The following SSX2IP variants were observed in gnomAD, a reference collection of about 807,000 sequenced individuals.
The protein encoded by SSX2IP is SSX family member 2 interacting protein.
Under a neutral mutation model 84.9 loss-of-function variants are expected in SSX2IP, and 55 were observed. The ratio of observed to expected loss-of-function variants is 0.65; its 90% confidence interval spans 0.52 to 0.81. The LOEUF (loss-of-function observed/expected upper bound fraction) is 0.81, where lower values mean the gene tolerates loss of function less well. Ranked by LOEUF, SSX2IP falls within the 30% of genes least tolerant of loss-of-function variation. SSX2IP has a pLI of 0.00. For synonymous variants in SSX2IP, 239 were observed against 234.7 expected (o/e 1.02, Z -0.17); for missense variants, 664 against 705.2 (o/e 0.94, Z 0.66).
intron 11 of SSX2IP, 132 bp from the exon 12 acceptor site, chr1:84,652,129 AC>A (rs1650344131): frequency 7.8e-6 from 5 of 642,314 alleles, no homozygotes; most frequent in South Asian, 2.1e-5. Flanking sequence ...AAATGAGTTA[AC>A]CTAAAAAACT....
At chr1:84,687,201 T>G (rs1462547788) in intron 1 of SSX2IP, among the ~76,000 whole-genome samples, 1 of 152,190 alleles carries the variant, frequency 6.6e-6, no homozygotes, top group African/African-American at 2.4e-5. Flanking sequence ...GCTAGTAGTG[T>G]GGTAGATCAA....
At chr1:84,669,636 C>T (rs752885847) in intron 4 of SSX2IP, 45 bp downstream of exon 4, 37 of 1,457,348 alleles carry the variant, frequency 2.5e-5, no homozygotes, top group Non-Finnish European at 3.4e-5. Flanking sequence ...TTATAGTACT[C>T]AATTATATAA....
intron 1 of SSX2IP, among the ~76,000 whole-genome samples, chr1:84,676,376 T>C (rs1654330950): frequency 6.6e-6 from 1 of 152,170 alleles, no homozygotes; most frequent in African/African-American, 2.4e-5. Flanking sequence ...TAATAGAAAA[T>C]CTTATAATAC....
intron 4 of SSX2IP, among the ~76,000 whole-genome samples, chr1:84,669,144 G>A (rs1044015717): frequency 4.1e-5 from 6 of 146,918 alleles, no homozygotes; most frequent in Non-Finnish European, 8.9e-5. Flanking sequence ...AAGTTAGTAG[G>A]TTCAATGGTC....
rs188588675 is a variant in SSX2IP, at chr1:84,687,282, C to T, written c.-90+3089G>A. 2.3e-3 allele frequency among the ~76,000 whole-genome samples: 348 copies of T among 152,294 alleles called. 1 individual carries two copies. The highest frequency in any genetic ancestry group is 7.9e-3 in the African/African-American group (330 of 41,562). On this transcript the variant is annotated intron_variant, in intron 1 of 13. Coordinates refer to ENST00000342203, the MANE Select transcript of SSX2IP (RefSeq NM_001166293.2). ...AGCAAGAGTTAAAAGATGAGAACAACTGGAGTTAAGATTGTTCTGAATGTT... is the reference window on the plus strand; with the variant it reads ...AGCAAGAGTTAAAAGATGAGAACAATTGGAGTTAAGATTGTTCTGAATGTT...
chr1:84,686,197 T>G (rs1655764249), intron 1 of SSX2IP, among the ~76,000 whole-genome samples: 1 of 152,204 alleles, frequency 6.6e-6, no homozygotes, highest in Non-Finnish European at 1.5e-5. Flanking sequence ...TAAAATTTTT[T>G]TACAAAAAGC....
intron 13 of SSX2IP, among the ~76,000 whole-genome samples, chr1:84,647,923 C>T (rs902830681): frequency 1.3e-5 from 2 of 151,914 alleles, no homozygotes; most frequent in African/African-American, 4.8e-5. Context: ...CTAGTTTAAT[C>T]ATTTGTACAA....
At chr1:84,656,653 TAAC>T (rs1360819430) in intron 9 of SSX2IP, among the ~76,000 whole-genome samples, 169 bp from the exon 10 acceptor site, 1 of 152,166 alleles carries the variant, frequency 6.6e-6, no homozygotes, top group Non-Finnish European at 1.5e-5. Context: ...TCATAAGCTA[TAAC>T]AAAATTAAAT....
At chr1:84,655,483 AGTCTTGGTT>A (rs1650945462) in intron 11 of SSX2IP, 2 of 1,309,738 alleles carry the variant, frequency 1.5e-6, no homozygotes, top group East Asian at 1.0e-4. Context: ...CAGCAAATAT[AGTCTTGGTT>A]GCACTGTCTT....
intron 9 of SSX2IP, 182 bp downstream of exon 9, chr1:84,658,136 A>G (rs2994440): frequency 0.92 from 625,976 of 677,542 alleles, 289,651 homozygotes; most frequent in Non-Finnish European, 0.94. Flanking sequence ...GTTCTGTCTC[A>G]AAAAGTAAAA....
chr1:84,669,771 C>T lies in SSX2IP; in HGVS notation c.336G>A (p.Lys112=). 6.2e-7 allele frequency: 1 copy of T among 1,613,846 alleles called. No homozygotes were observed. The part of the protein sequence containing the change: ...CMNELLVLQR[K]NLLAQENVET... ...CCACATTTTCCTGAGCTAGAAGGTT[C>T]TTCCGCTGAAGCACAAGCAGCTCAT... Residue 112 remains lysine, a synonymous_variant, in exon 4 of 14, where the codon AAG becomes AAA. Coordinates refer to ENST00000342203, the MANE Select transcript of SSX2IP (RefSeq NM_001166293.2).
At chr1:84,666,005 G>C in intron 5 of SSX2IP, 117 bp downstream of exon 5, 1 of 751,234 alleles carries the variant, frequency 1.3e-6, no homozygotes, top group Non-Finnish European at 2.2e-6. Context: ...ATCAATTTGG[G>C]GAAAGATGAA....
Position 84,681,767 on chromosome 1 carries a change from T to C in SSX2IP, c.-90+8604A>G, listed in dbSNP as rs558596967. The stretch of plus-strand genomic sequence containing the variant: ...ACAAATCCCACCAATCAGGTACACT[T>C]CTAGCACCTGTTCCACATATGTACG... On this transcript the variant is annotated intron_variant, in intron 1 of 13. Coordinates refer to ENST00000342203, the MANE Select transcript of SSX2IP (RefSeq NM_001166293.2). Among the ~76,000 whole-genome samples the C allele has an allele frequency of 6.6e-5, 10 of 152,294 alleles. No individual in the cohort carries two copies. The South Asian group carries it at 2.1e-3, about 32-fold the overall frequency.
intron 1 of SSX2IP, among the ~76,000 whole-genome samples, chr1:84,682,562 G>C (rs956089972): frequency 2.6e-5 from 4 of 151,030 alleles, no homozygotes; most frequent in African/African-American, 9.7e-5. Context: ...GAGTGCAGTG[G>C]GGTGTGATCT....
At position 84,670,735 on chromosome 1, in the gene SSX2IP, A is replaced by G; in HGVS notation, c.124T>C (p.Ser42Pro). 1.2e-6 allele frequency: 2 copies of G among 1,613,332 alleles called. No homozygotes were observed. The highest frequency in any genetic ancestry group is 1.7e-6 in the Non-Finnish European group (2 of 1,179,424). Residue 42 changes from serine to proline, a missense_variant, in exon 3 of 14, where the codon TCA becomes CCA. Ser to Pro is a moderately conservative substitution (Grantham distance 74). Coordinates refer to ENST00000342203, the MANE Select transcript of SSX2IP (RefSeq NM_001166293.2). The stretch of plus-strand genomic sequence containing the variant: ...TGCACATTTTTCGATAAAGGTATTG[A>G]AGAACATAGCACTTGCTGTGAGTAT... ...SLYSQQVLCS[S>P]IPLSKNVHSF...
rs1649549670 is a variant in SSX2IP, at chr1:84,647,191, T to A, written c.*242A>T. ...TAGTGCTTTTGTTTCCATCCAAACATCTATACATTCCTTTATTCACAGAAC... is the reference window on the plus strand; with the variant it reads ...TAGTGCTTTTGTTTCCATCCAAACAACTATACATTCCTTTATTCACAGAAC... On this transcript the variant is annotated 3_prime_UTR_variant, in exon 14 of 14. Coordinates refer to ENST00000342203, the MANE Select transcript of SSX2IP (RefSeq NM_001166293.2). 9.4e-6 allele frequency: 3 copies of A among 317,980 alleles called. No individual in the cohort carries two copies. The highest frequency in any genetic ancestry group is 4.3e-5 in the African/African-American group (2 of 47,040). The allele number at this position is 317,980 out of a possible 1,614,324, so 19.7% of individuals were successfully genotyped here.
intron 8 of SSX2IP, among the ~76,000 whole-genome samples, chr1:84,660,895 C>CAAAAAAAAA (rs11362631): frequency 2.1e-3 from 198 of 96,396 alleles, no homozygotes; most frequent in Middle Eastern, 5.6e-3. Flanking sequence ...TACTAAAATA[C>CAAAAAAAAA]AAAAAAAAAA....
intron 1 of SSX2IP, among the ~76,000 whole-genome samples, chr1:84,688,943 T>C (rs1160503097): frequency 1.3e-5 from 2 of 152,224 alleles, no homozygotes; most frequent in Non-Finnish European, 2.9e-5. Context: ...TTCGTTTTAA[T>C]TATCAGTTCC....
chr1:84,657,482 T>G (rs370452097), intron 9 of SSX2IP, among the ~76,000 whole-genome samples: 1 of 152,172 alleles, frequency 6.6e-6, no homozygotes, highest in Non-Finnish European at 1.5e-5. Flanking sequence ...ACTAGGAACA[T>G]AGTAATCTGC....
Sources: gnomAD v4.1 joint callset for allele counts (sites outside exome capture counted in the v4.1 genomes callset) on GRCh38, gnomAD v4.1.1 for gene constraint, MANE v1.5 for transcripts, NCBI Gene and HGNC (gene_info 2026-07-23, HGNC 2026-07-21) for gene names.